Variants in TTBK2 observed in about 807,000 individuals in gnomAD.
TTBK2 encodes tau-tubulin kinase 2.
In TTBK2, 28 loss-of-function variants were observed where a neutral mutation model predicts 110.8. The ratio of observed to expected loss-of-function variants is 0.25; its 90% CI spans 0.19 to 0.35. The LOEUF is 0.35. Among genes scored for constraint, TTBK2 ranks in the 10% least tolerant of loss-of-function variants. TTBK2 has a pLI of 1.00. For synonymous variants in TTBK2, 532 were observed against 527.3 expected (o/e 1.01, Z -0.12); for missense variants, 1,369 against 1,500.3 (o/e 0.91, Z 1.45).
chr15:42,754,048 G>T (rs754222948), intron 13 of TTBK2, among the ~76,000 whole-genome samples: 1 of 151,150 alleles, frequency 6.6e-6, no homozygotes, highest in Non-Finnish European at 1.5e-5. Context: ...GACATACAAA[G>T]GTATTTACTA....
intron 9 of TTBK2, among the ~76,000 whole-genome samples, chr15:42,797,000 G>A (rs1460854647): frequency 2.6e-5 from 4 of 152,294 alleles, no homozygotes; most frequent in Non-Finnish European, 5.9e-5. Flanking sequence ...TTATAGCTTA[G>A]ACTTCTCCAA....
intron 4 of TTBK2, among the ~76,000 whole-genome samples, chr15:42,832,843 T>C (rs1483290732): frequency 6.6e-6 from 1 of 152,180 alleles, no homozygotes; most frequent in Non-Finnish European, 1.5e-5. Flanking sequence ...GGGTTCAGTA[T>C]GATCTGTGGT....
intron 10 of TTBK2, among the ~76,000 whole-genome samples, chr15:42,792,523 T>C (rs888129949): frequency 6.6e-6 from 1 of 152,218 alleles, no homozygotes; most frequent in Non-Finnish European, 1.5e-5. Flanking sequence ...GGACACTTTT[T>C]AGTATTTTCC....
chr15:42,896,884 ATTT>A (rs757444236), intron 1 of TTBK2, among the ~76,000 whole-genome samples: 1 of 146,520 alleles, frequency 6.8e-6, no homozygotes, highest in Non-Finnish European at 1.5e-5. Flanking sequence ...TCAGTTTTAG[ATTT>A]TTTTTTTTTT....
At chr15:42,889,519 G>C (rs1046100195) in intron 1 of TTBK2, among the ~76,000 whole-genome samples, 4 of 152,120 alleles carry the variant, frequency 2.6e-5, no homozygotes, top group Admixed American at 2.6e-4. Flanking sequence ...CTTCAGGAAA[G>C]GTAAAACGGA....
chr15:42,843,503 G>A (rs1000701745), intron 3 of TTBK2, among the ~76,000 whole-genome samples: 1 of 152,184 alleles, frequency 6.6e-6, no homozygotes, highest in Non-Finnish European at 1.5e-5. Flanking sequence ...GCTCACGCCT[G>A]TAATCCCAGC....
At chr15:42,812,784 C>T (rs567411517) in intron 7 of TTBK2, among the ~76,000 whole-genome samples, 20 of 151,856 alleles carry the variant, frequency 1.3e-4, no homozygotes, top group African/African-American at 4.6e-4. Flanking sequence ...CAAAACCCAA[C>T]CAGATTTGGA....
chr15:42,789,777 TTA>T (rs1422402624), intron 10 of TTBK2, among the ~76,000 whole-genome samples: 1 of 151,594 alleles, frequency 6.6e-6, no homozygotes, highest in Non-Finnish European at 1.5e-5. Context: ...TAATAGTCCA[TTA>T]TGTGTGTGTG....
At chr15:42,747,492 G>C (rs1244701654) in intron 14 of TTBK2, among the ~76,000 whole-genome samples, 1 of 152,180 alleles carries the variant, frequency 6.6e-6, no homozygotes, top group Non-Finnish European at 1.5e-5. Context: ...GTTTCAGGAT[G>C]AAAGTGTTCC....
rs147114996 is a variant in TTBK2 at position 42,881,102 on chromosome 15, C to A, written c.-67-2418G>T. Among the ~76,000 whole-genome samples, 545 of 151,104 alleles carry A rather than the reference C, an allele frequency of 3.6e-3. 4 individuals are homozygous for A. Among genetic ancestry groups the A allele is most frequent in the African/African-American group, 0.013 (520 of 41,186 alleles). ...TTCGAGACCAGCCTGGGCATTATGG[C>A]AAGACCCTGTCTCTACTAAAAATAC... On this transcript the variant is annotated intron_variant, in intron 1 of 14. Coordinates refer to ENST00000267890, the MANE Select transcript of TTBK2 (RefSeq NM_173500.4).
intron 10 of TTBK2, among the ~76,000 whole-genome samples, chr15:42,791,810 A>G (rs1355549122): frequency 6.6e-6 from 1 of 152,036 alleles, no homozygotes; most frequent in Non-Finnish European, 1.5e-5. Context: ...AATCAATCCT[A>G]TGTTATTCCA....
rs765922899 is a variant in TTBK2, at chr15:42,840,397, C to A, written c.254G>T (p.Arg85Met). Residue 85 changes from arginine (R) to methionine (M), a missense_variant, in exon 4 of 15, where the codon AGG (arginine) becomes ATG (methionine). Coordinates refer to ENST00000267890, the MANE Select transcript of TTBK2 (RefSeq NM_173500.4). ...DHVCRFIGCG[R>M]NDRFNYVVMQ... ...GACCACATAGTTGAATCGATCATTC[C>A]TCCCACAGCCAATAAATCTACAAAC... 1 of 1,613,920 alleles carries A rather than the reference C, an allele frequency of 6.2e-7. No individual in the cohort carries two copies. Among genetic ancestry groups the A allele is most frequent in the Non-Finnish European group, 8.5e-7 (1 of 1,179,946 alleles).
chr15:42,797,204 A>C (rs1189772772), intron 9 of TTBK2, among the ~76,000 whole-genome samples: 1 of 152,258 alleles, frequency 6.6e-6, no homozygotes, highest in African/African-American at 2.4e-5. Flanking sequence ...CTATGTGAGC[A>C]CTTAGACTGC....
At chr15:42,801,897 C>CA in intron 9 of TTBK2, 1 of 1,491,324 alleles carries the variant, frequency 6.7e-7, no homozygotes, top group African/African-American at 1.4e-5. Flanking sequence ...TGAAGTCCTC[C>CA]ACCAGCCCAT....
chr15:42,875,659 C>A (rs1470159528), intron 2 of TTBK2, among the ~76,000 whole-genome samples: 1 of 151,910 alleles, frequency 6.6e-6, no homozygotes, highest in Non-Finnish European at 1.5e-5. Context: ...GTAATCCCAG[C>A]ACTTTGGGAG....
At position 42,783,631 on chromosome 15, in the gene TTBK2, C is replaced by T. The variant is rs776309612; in HGVS notation, c.985G>A (p.Ala329Thr). 1.2e-5 allele frequency: 19 copies of T among 1,610,840 alleles called. No individual in the cohort carries two copies. The South Asian group carries it at 2.0e-4, about 17-fold the overall frequency. ...TRLTPAAIGI[A>T]NATPIPGDLL... ...TCTCCAGGGATGGGAGTAGCATTGG[C>T]AATTCTACATATGAAGGGAGAAAAA... The change falls in exon 11 of 15, where the codon GCC (alanine) becomes ACC (threonine). Residue 329 changes from alanine (A) to threonine (T), a missense_variant. By Grantham distance (58) the Ala-to-Thr change is moderately conservative (BLOSUM62 0). Around this residue, in one of 4 missense-constraint regions of TTBK2, gnomAD observed 1,097 missense variants for 1,114.7 expected, o/e 0.98. Transcript: ENST00000267890.
chr15:42,757,012 C>T (rs1273536058), intron 13 of TTBK2, among the ~76,000 whole-genome samples: 1 of 152,106 alleles, frequency 6.6e-6, no homozygotes. Flanking sequence ...ATAATATTTC[C>T]ATAGTACTTT....
At chr15:42,846,159 G>A (rs957854740) in intron 3 of TTBK2, among the ~76,000 whole-genome samples, 5 of 150,042 alleles carry the variant, frequency 3.3e-5, no homozygotes, top group Admixed American at 2.7e-4. Flanking sequence ...ATTTAGTACA[G>A]ACGCAATATT....
At chr15:42,830,313 G>C (rs780360480) in intron 4 of TTBK2, among the ~76,000 whole-genome samples, 1 of 151,820 alleles carries the variant, frequency 6.6e-6, no homozygotes, top group Non-Finnish European at 1.5e-5. Context: ...TCAGCCTCCC[G>C]AGTAGCTGGG....
Sources: gnomAD v4.1 joint callset for allele counts (sites outside exome capture counted in the v4.1 genomes callset) on GRCh38, gnomAD v4.1.1 for gene constraint, gnomAD v4.1.1 regional missense constraint, MANE v1.5 for transcripts, NCBI Gene and HGNC (gene_info 2026-07-23, HGNC 2026-07-21) for gene names.